MGMT: variants seen among roughly 807,000 people sequenced by gnomAD.
The protein encoded by MGMT is O-6-methylguanine-DNA methyltransferase.
Under a neutral mutation model 15.9 loss-of-function variants are expected in MGMT, and 14 were observed. That is an observed-to-expected ratio of 0.88 (90% CI 0.58 to 1.37). MGMT has a LOEUF of 1.37. Among genes scored for constraint, MGMT ranks in the 40% most tolerant of loss-of-function variants. The pLI is 0.00. For synonymous variants in MGMT, 130 were observed against 118.2 expected (o/e 1.10, Z -0.65); for missense variants, 282 against 268.1 (o/e 1.05, Z -0.36).
intron 1 of MGMT, among the ~76,000 whole-genome samples, chr10:129,523,350 C>G (rs919326945): frequency 6.6e-6 from 1 of 152,186 alleles, no homozygotes. Flanking sequence ...GAAGTTCTAG[C>G]GGGACTAGTT....
At chr10:129,739,879 C>A (rs943605546) in intron 3 of MGMT, among the ~76,000 whole-genome samples, 3 of 151,908 alleles carry the variant, frequency 2.0e-5, no homozygotes, top group Admixed American at 1.3e-4. Flanking sequence ...AGATTAGACA[C>A]CCCTGCCCTA....
Position 129,702,741 on chromosome 10 carries a change from G to A in MGMT, c.126-5154G>A, listed in dbSNP as rs116104332. 6.7e-3 allele frequency among the ~76,000 whole-genome samples: 1,023 copies of A among 152,340 alleles called. 18 individuals are homozygous for A. The highest frequency in any genetic ancestry group is 0.023 in the African/African-American group (940 of 41,574). On this transcript the variant is annotated intron_variant, in intron 2 of 4. Coordinates refer to ENST00000651593, the MANE Select transcript of MGMT (RefSeq NM_002412.5). ...GGCTTCCGAGCAAAGGTGCTCCCCC[G>A]GCAAGGATGGGGCGGACCACAGGGC...
At chr10:129,683,877 G>T (rs1847879015) in intron 2 of MGMT, among the ~76,000 whole-genome samples, 1 of 152,132 alleles carries the variant, frequency 6.6e-6, no homozygotes, top group South Asian at 2.1e-4. Flanking sequence ...TGTGTCAGGG[G>T]TCAACTTTGT....
At chr10:129,669,886 T>G (rs569980650) in intron 2 of MGMT, among the ~76,000 whole-genome samples, 1 of 152,336 alleles carries the variant, frequency 6.6e-6, no homozygotes, top group South Asian at 2.1e-4. Flanking sequence ...TGAATTTATT[T>G]TTAAAAAATA....
chr10:129,755,350 A>G (rs1417509813), intron 3 of MGMT, among the ~76,000 whole-genome samples: 1 of 152,226 alleles, frequency 6.6e-6, no homozygotes, highest in African/African-American at 2.4e-5. Context: ...GCTGCTGCAC[A>G]GGGATGTCCT....
intron 1 of MGMT, among the ~76,000 whole-genome samples, chr10:129,474,571 G>A (rs975915701): frequency 5.9e-5 from 9 of 152,320 alleles, no homozygotes; most frequent in African/African-American, 2.2e-4. Context: ...TGGGTTCTGA[G>A]GCGGGAGATT....
At chr10:129,593,236 T>C (rs1846710660) in intron 2 of MGMT, among the ~76,000 whole-genome samples, 1 of 152,224 alleles carries the variant, frequency 6.6e-6, no homozygotes, top group African/African-American at 2.4e-5. Flanking sequence ...CAGTGGGCGC[T>C]GTTGGGATTC....
intron 1 of MGMT, among the ~76,000 whole-genome samples, chr10:129,519,836 G>T (rs942470358): frequency 1.3e-5 from 2 of 152,012 alleles, no homozygotes; most frequent in African/African-American, 4.8e-5. Context: ...TTGACTTGTG[G>T]CTCCTGGCAT....
chr10:129,602,137 G>A (rs750130651), intron 2 of MGMT, among the ~76,000 whole-genome samples: 1 of 152,102 alleles, frequency 6.6e-6, no homozygotes, highest in Non-Finnish European at 1.5e-5. Context: ...CTTTAGGGGA[G>A]AAATATTTTC....
intron 1 of MGMT, among the ~76,000 whole-genome samples, chr10:129,515,387 A>G (rs1202849045): frequency 6.6e-6 from 1 of 152,206 alleles, no homozygotes; most frequent in Non-Finnish European, 1.5e-5. Flanking sequence ...GGATTTCCGC[A>G]AGGCCCCGTT....
chr10:129,732,325 C>T (rs1259780118), intron 3 of MGMT, among the ~76,000 whole-genome samples: 3 of 137,530 alleles, frequency 2.2e-5, no homozygotes, highest in Non-Finnish European at 4.6e-5. Flanking sequence ...CCCCGACAGG[C>T]CCCAGTGTGT....
At chr10:129,688,713 A>C (rs1176248914) in intron 2 of MGMT, among the ~76,000 whole-genome samples, 1 of 152,210 alleles carries the variant, frequency 6.6e-6, no homozygotes, top group Non-Finnish European at 1.5e-5. Flanking sequence ...CATGTCTAAA[A>C]CACCAAAAGC....
intron 2 of MGMT, among the ~76,000 whole-genome samples, chr10:129,604,719 A>G (rs935447112): frequency 7.4e-6 from 1 of 134,484 alleles, no homozygotes; most frequent in Non-Finnish European, 1.6e-5. Context: ...CCCCACCTGC[A>G]CCCCACCTCG....
At chr10:129,744,561 A>G (rs1848672332) in intron 3 of MGMT, among the ~76,000 whole-genome samples, 1 of 152,164 alleles carries the variant, frequency 6.6e-6, no homozygotes, top group South Asian at 2.1e-4. Context: ...TGTGAACCCC[A>G]TGCCTGACCT....
In MGMT at chr10:129,530,179, G is replaced by T. The variant is rs139595486; in HGVS notation, c.-12-6062G>T. Among the ~76,000 whole-genome samples, 88 of 150,858 alleles carry T rather than the reference G, an allele frequency of 5.8e-4. 1 individual carries two copies. The East Asian group carries it at 0.016, about 28-fold the overall frequency. On this transcript the variant is annotated intron_variant, in intron 1 of 4. Coordinates refer to ENST00000651593, the MANE Select transcript of MGMT (RefSeq NM_002412.5). ...CGGCCTGCCAAAGTTCTGGGATTAC[G>T]GGTGTGAGCCACCATGACTGGCCCA...
chr10:129,524,216 C>T (rs1237898973), intron 1 of MGMT, among the ~76,000 whole-genome samples: 2 of 152,244 alleles, frequency 1.3e-5, no homozygotes, highest in East Asian at 1.9e-4. Context: ...ACCTCCCGCC[C>T]TCAAGGACGA....
rs1476736874 is a variant in MGMT, at chr10:129,556,956, C to T, written c.125+20579C>T. ...GCCCGTGATGTTGAGTGTTCACCGTCTTTCAGAACGTTTGTGCGGTGGCGT... is the reference window on the plus strand; with the variant it reads ...GCCCGTGATGTTGAGTGTTCACCGTTTTTCAGAACGTTTGTGCGGTGGCGT... On this transcript the variant is annotated intron_variant, in intron 2 of 4. Coordinates refer to ENST00000651593, the MANE Select transcript of MGMT (RefSeq NM_002412.5). This position sits in a 1 kb window ranked among gnomAD's most constrained non-coding sequence, Gnocchi z 4.3. Among the ~76,000 whole-genome samples the T allele has an allele frequency of 2.6e-5, 4 of 152,160 alleles. No homozygotes were observed. The highest frequency in any genetic ancestry group is 2.0e-4 in the Admixed American group (3 of 15,278).
At chr10:129,599,882 A>G (rs1846798016) in intron 2 of MGMT, among the ~76,000 whole-genome samples, 3 of 152,204 alleles carry the variant, frequency 2.0e-5, no homozygotes, top group Admixed American at 1.3e-4. Flanking sequence ...TCTGATGCGG[A>G]TCAAGTGTCA....
At chr10:129,474,825 C>T (rs1845272274) in intron 1 of MGMT, among the ~76,000 whole-genome samples, 1 of 152,156 alleles carries the variant, frequency 6.6e-6, no homozygotes, top group Non-Finnish European at 1.5e-5. Flanking sequence ...TGAGTGTGCC[C>T]CTGGGCAGCA....
Sources: gnomAD v4.1 joint callset for allele counts (sites outside exome capture counted in the v4.1 genomes callset) on GRCh38, gnomAD v4.1.1 for gene constraint, Gnocchi (gnomAD v3.1) non-coding constraint, MANE v1.5 for transcripts, NCBI Gene and HGNC (gene_info 2026-07-23, HGNC 2026-07-21) for gene names.